The following LRRN3 variants were observed in gnomAD, a reference collection of about 807,000 sequenced individuals.
LRRN3 encodes leucine rich repeat neuronal 3, also known as leucine-rich repeat neuronal protein 3.
A neutral mutation model predicts 40.1 loss-of-function variants in LRRN3; 15 were observed. The observed-to-expected ratio is 0.37, with a 90% CI of 0.25 to 0.58. The LOEUF (loss-of-function observed/expected upper bound fraction) is 0.58, where lower values mean the gene tolerates loss of function less well. Among genes scored for constraint, LRRN3 ranks in the 20% least tolerant of loss-of-function variants. LRRN3 has a pLI of 0.72. For synonymous variants in LRRN3, 308 were observed against 297.2 expected (o/e 1.04, Z -0.37); for missense variants, 746 against 837.7 (o/e 0.89, Z 1.35).
In LRRN3 at chr7:111,125,300, A is replaced by G. The variant is rs1268265007; in HGVS notation, c.*401A>G. ...ACGAGTTTTTGCAGTGACCAGATAA[A>G]CTTGAATTGACACGTGGTGTAATAA... On this transcript the variant is annotated 3_prime_UTR_variant, in exon 3 of 3. Coordinates refer to ENST00000308478, the MANE Select transcript of LRRN3 (RefSeq NM_001099658.2). 1.2e-5 allele frequency: 2 copies of G among 172,396 alleles called. No homozygotes were observed. Among genetic ancestry groups the G allele is most frequent in the African/African-American group, 4.8e-5 (2 of 41,584 alleles). 10.7% of individuals were successfully genotyped at this position (172,396 alleles called of 1,614,324 possible). A position where few individuals can be genotyped will look rare whatever the true frequency, so the allele number is the denominator to read the frequency against.
At chr7:111,121,575 A>C (rs1328468211) in intron 2 of LRRN3, among the ~76,000 whole-genome samples, 2 of 152,178 alleles carry the variant, frequency 1.3e-5, no homozygotes, top group Non-Finnish European at 2.9e-5. Flanking sequence ...AAAAGTCAGG[A>C]AACAACAGCT....
intron 2 of LRRN3, among the ~76,000 whole-genome samples, chr7:111,113,916 G>A (rs1199595091): frequency 6.6e-6 from 1 of 152,056 alleles, no homozygotes; most frequent in Non-Finnish European, 1.5e-5. Flanking sequence ...CAAAACTTAC[G>A]AGAGAATAAG....
intron 2 of LRRN3, among the ~76,000 whole-genome samples, chr7:111,112,974 T>C (rs1050417945): frequency 6.6e-6 from 1 of 152,196 alleles, no homozygotes; most frequent in East Asian, 1.9e-4. Flanking sequence ...ATCTTCTCAA[T>C]TCTTAGTAAA....
chr7:111,107,405 G>A (rs1389744768), intron 2 of LRRN3, among the ~76,000 whole-genome samples: 1 of 152,020 alleles, frequency 6.6e-6, no homozygotes, highest in East Asian at 1.9e-4. Flanking sequence ...GGGGAATATG[G>A]GCAGTTTCAA....
rs779501366 is a variant in LRRN3 at position 111,123,510 on chromosome 7, C to T, written c.738C>T (p.Asn246=). 6.2e-6 allele frequency: 10 copies of T among 1,613,732 alleles called. No homozygotes were observed. The highest frequency in any genetic ancestry group is 1.3e-5 in the African/African-American group (1 of 74,902). Residue 246 remains asparagine (N), a synonymous_variant, in exon 3 of 3, where the codon AAC becomes AAT. Transcript: ENST00000308478. The surrounding 1 kb of genome is among the most constrained non-coding windows in gnomAD (Gnocchi z 6.4). ...ENLESISFYD[N]RLIKVPHVAL... is the part of the protein sequence containing the mutation. ...TAGAAAGCATCTCTTTTTACGATAACAGGCTTATTAAAGTACCCCATGTTG... is the reference window on the plus strand; with the variant it reads ...TAGAAAGCATCTCTTTTTACGATAATAGGCTTATTAAAGTACCCCATGTTG...
chr7:111,098,412 A>T lies in LRRN3; in HGVS notation c.-440-1469A>T, dbSNP rs939349442. Among the ~76,000 whole-genome samples, 6 of 151,930 alleles carry T rather than the reference A, an allele frequency of 3.9e-5. No homozygotes were observed. In the East Asian group the frequency reaches 7.7e-4, roughly 20 times the overall value. ...AAATTTATGTAAATATCAAAGTCTC[A>T]TTTTTATATTTAGGCTATAAATTAT... On this transcript the variant is annotated intron_variant, in intron 1 of 2. Transcript: ENST00000308478.
At chr7:111,098,388 A>C (rs533283973) in intron 1 of LRRN3, among the ~76,000 whole-genome samples, 27 of 151,966 alleles carry the variant, frequency 1.8e-4, no homozygotes, top group African/African-American at 6.0e-4. Context: ...GAGGAAGCAA[A>C]ATTTATGTAA....
intron 2 of LRRN3, among the ~76,000 whole-genome samples, chr7:111,109,468 GGT>G (rs1275233489): frequency 6.6e-6 from 1 of 152,062 alleles, no homozygotes. Context: ...TAGACATGAA[GGT>G]GTTTCATTAA....
chr7:111,112,472 C>T (rs1342039764), intron 2 of LRRN3, among the ~76,000 whole-genome samples: 1 of 151,768 alleles, frequency 6.6e-6, no homozygotes, highest in African/African-American at 2.4e-5. Context: ...TGAATTTCCA[C>T]TCACAAAAAG....
At chr7:111,099,311 TGAA>T (rs1797726577) in intron 1 of LRRN3, among the ~76,000 whole-genome samples, 1 of 151,732 alleles carries the variant, frequency 6.6e-6, no homozygotes, top group Non-Finnish European at 1.5e-5. Context: ...TTTTAAATGA[TGAA>T]GATGAAAATA....
intron 1 of LRRN3, among the ~76,000 whole-genome samples, chr7:111,097,840 A>G (rs1203618524): frequency 6.6e-6 from 1 of 151,940 alleles, no homozygotes; most frequent in African/African-American, 2.4e-5. Flanking sequence ...TGAAATTTCA[A>G]TAGTTGCAGG....
At chr7:111,108,280 T>G (rs1798777433) in intron 2 of LRRN3, among the ~76,000 whole-genome samples, 1 of 152,196 alleles carries the variant, frequency 6.6e-6, no homozygotes, top group South Asian at 2.1e-4. Flanking sequence ...TATTAATGTT[T>G]ATTATTGCTC....
intron 2 of LRRN3, among the ~76,000 whole-genome samples, chr7:111,119,811 T>A (rs1268384792): frequency 6.6e-6 from 1 of 152,100 alleles, no homozygotes; most frequent in African/African-American, 2.4e-5. Flanking sequence ...AGGAGGTTAG[T>A]GCCTGGTGAA....
chr7:111,101,838 C>T (rs536480407), intron 2 of LRRN3, among the ~76,000 whole-genome samples: 248 of 151,400 alleles, frequency 1.6e-3, no homozygotes, highest in African/African-American at 4.9e-3. Context: ...CTACTGCCCC[C>T]AATCTAAAAA....
rs149092330 is a variant in LRRN3, at chr7:111,108,460, T to C, written c.-359+8498T>C. Among the ~76,000 whole-genome samples the C allele has an allele frequency of 2.9e-3, 447 of 152,250 alleles. 5 individuals are homozygous for C. The highest frequency in any genetic ancestry group is 0.024 in the South Asian group (116 of 4,832). On this transcript the variant is annotated intron_variant, in intron 2 of 2. Coordinates refer to ENST00000308478, the MANE Select transcript of LRRN3 (RefSeq NM_001099658.2). ...ATATTATACCCCCACTACACTGTGC[T>C]ATTACTAGAGATATAATATATAAAA... is the stretch of plus-strand genomic sequence containing the variant.
At position 111,124,767 on chromosome 7, in the gene LRRN3, C is replaced by T. The variant is rs932254838; in HGVS notation, c.1995C>T (p.Tyr665=). The T allele has an allele frequency of 1.2e-6, 2 of 1,613,716 alleles. No homozygotes were observed. Among genetic ancestry groups the T allele is most frequent in the African/African-American group, 1.3e-5 (1 of 74,886 alleles). The change falls in exon 3 of 3, where the codon TAC becomes TAT. Residue 665 remains tyrosine, a synonymous_variant. Coordinates refer to ENST00000308478, the MANE Select transcript of LRRN3 (RefSeq NM_001099658.2). ...GTGGACACAGCTATGTGAGGAATTA[C>T]TTACAGAAACCAACCTTTGCATTAG... is the stretch of plus-strand genomic sequence containing the variant. ...CDGGHSYVRN[Y]LQKPTFALGE...
intron 2 of LRRN3, among the ~76,000 whole-genome samples, chr7:111,103,881 C>T (rs1798249615): frequency 6.6e-6 from 1 of 151,524 alleles, no homozygotes; most frequent in Admixed American, 6.6e-5. Context: ...AGAGTCCATG[C>T]CTGATCCCTT....
At chr7:111,104,111 A>G (rs1185260761) in intron 2 of LRRN3, among the ~76,000 whole-genome samples, 1 of 151,692 alleles carries the variant, frequency 6.6e-6, no homozygotes, top group Non-Finnish European at 1.5e-5. Flanking sequence ...TTGGGCCTAT[A>G]TTCAGGCAAC....
rs1466470505 is a variant in LRRN3, at chr7:111,122,977, G to A, written c.205G>A (p.Ala69Thr). Residue 69 changes from alanine (A) to threonine (T), a missense_variant, in exon 3 of 3, where the codon GCT becomes ACT. Ala to Thr is a moderately conservative substitution (Grantham distance 58). Coordinates refer to ENST00000308478, the MANE Select transcript of LRRN3 (RefSeq NM_001099658.2). ...TTTAACTTTCCCAGCCAGATTGCCA[G>A]CTAACACACAGATTCTTCTCCTACA... ...GLLTFPARLP[A>T]NTQILLLQTN... 4 of 1,613,996 alleles carry A rather than the reference G, an allele frequency of 2.5e-6. No individual in the cohort carries two copies.
Sources: allele counts gnomAD v4.1 joint callset (sites outside exome capture counted in the v4.1 genomes callset), GRCh38; gene constraint gnomAD v4.1.1; non-coding constraint Gnocchi (gnomAD v3.1); transcripts MANE v1.5; gene names NCBI Gene and HGNC (gene_info 2026-07-23, HGNC 2026-07-21).